The following PIK3C2G variants were observed in gnomAD, a reference collection of about 807,000 sequenced individuals.
PIK3C2G encodes phosphatidylinositol-4-phosphate 3-kinase catalytic subunit type 2 gamma, also known as phosphatidylinositol 3-kinase C2 domain-containing subunit gamma.
Under a neutral mutation model 181.1 loss-of-function variants are expected in PIK3C2G, and 168 were observed. The ratio of observed to expected loss-of-function variants is 0.93; its 90% CI spans 0.82 to 1.05. The LOEUF (loss-of-function observed/expected upper bound fraction) is 1.05, where lower values mean the gene tolerates loss of function less well. Ranked by LOEUF, PIK3C2G falls within the 50% of genes least tolerant of loss-of-function variation. The pLI is 0.00. For synonymous variants in PIK3C2G, 573 were observed against 592.2 expected (o/e 0.97, Z 0.47); for missense variants, 1,869 against 1,732.8 (o/e 1.08, Z -1.40).
chr12:18,287,899 C>T (rs1301806802), intron 3 of PIK3C2G, among the ~76,000 whole-genome samples: 2 of 151,444 alleles, frequency 1.3e-5, no homozygotes, highest in Admixed American at 6.6e-5. Context: ...CGGTGGCTCA[C>T]GCCTGTAATC....
chr12:18,689,058 G>A, the PIK3C2G span, among the ~76,000 whole-genome samples: 1 of 152,030 alleles, frequency 6.6e-6, no homozygotes, highest in Non-Finnish European at 1.5e-5. Context: ...CACAGATTAC[G>A]GCATTAGCTA....
At chr12:18,693,277 T>A in the PIK3C2G span, 24 of 1,516,154 alleles carry the variant, frequency 1.6e-5, no homozygotes, top group Non-Finnish European at 2.1e-5. Context: ...ATGGATGACA[T>A]GGATCCCCTG....
chr12:18,299,983 T>A (rs1212719978), intron 5 of PIK3C2G, among the ~76,000 whole-genome samples: 1 of 152,012 alleles, frequency 6.6e-6, no homozygotes, highest in Non-Finnish European at 1.5e-5. Flanking sequence ...GACATTAATC[T>A]GTAGTGTTAT....
At chr12:18,410,510 G>GAA (rs1184793762) in intron 16 of PIK3C2G, among the ~76,000 whole-genome samples, 1,375 of 85,394 alleles carry the variant, frequency 0.016, 26 homozygotes, top group African/African-American at 0.051. Flanking sequence ...ATCTCAGAAA[G>GAA]AAAAAAAAAA....
At chr12:18,592,674 C>G (rs536255923) in intron 29 of PIK3C2G, among the ~76,000 whole-genome samples, 1 of 151,938 alleles carries the variant, frequency 6.6e-6, no homozygotes, top group East Asian at 1.9e-4. Context: ...GCATTAATGA[C>G]AAAATTCGAT....
intron 5 of PIK3C2G, among the ~76,000 whole-genome samples, chr12:18,297,739 C>T (rs1211409346): frequency 6.6e-6 from 1 of 151,870 alleles, no homozygotes; most frequent in African/African-American, 2.4e-5. Context: ...ACTCTAACTC[C>T]GTGAGATAAC....
At chr12:18,438,050 T>A (rs1266250834) in intron 18 of PIK3C2G, among the ~76,000 whole-genome samples, 1 of 151,932 alleles carries the variant, frequency 6.6e-6, no homozygotes, top group Non-Finnish European at 1.5e-5. Context: ...TGTGTTTTTT[T>A]AAAGTATTCT....
chr12:18,408,832 TA>T (rs1308402370), intron 16 of PIK3C2G, among the ~76,000 whole-genome samples: 4 of 152,116 alleles, frequency 2.6e-5, no homozygotes, highest in African/African-American at 9.6e-5. Context: ...GAAATGCAAA[TA>T]AAAACCATAA....
At chr12:18,466,018 C>A (rs1390940565) in intron 18 of PIK3C2G, among the ~76,000 whole-genome samples, 1 of 150,958 alleles carries the variant, frequency 6.6e-6, no homozygotes, top group Non-Finnish European at 1.5e-5. Flanking sequence ...TTCCTGTTCT[C>A]TCCTCAGCTA....
At chr12:18,426,918 C>T (rs1040724663) in intron 18 of PIK3C2G, among the ~76,000 whole-genome samples, 1 of 152,080 alleles carries the variant, frequency 6.6e-6, no homozygotes, top group Non-Finnish European at 1.5e-5. Context: ...GGCATGAGGC[C>T]CTTCCATGAA....
intron 17 of PIK3C2G, among the ~76,000 whole-genome samples, chr12:18,422,671 G>A (rs529802701): frequency 1.3e-3 from 195 of 152,048 alleles, no homozygotes; most frequent in Non-Finnish European, 2.0e-3. Flanking sequence ...TTGTAACAGT[G>A]GACAGAGTAA....
chr12:18,371,430 T>C lies in PIK3C2G; in HGVS notation c.1880+119T>C, dbSNP rs114104207. On this transcript the variant is annotated intron_variant, in intron 13 of 32. Coordinates refer to ENST00000538779, the MANE Select transcript of PIK3C2G (RefSeq NM_001288772.2). ...AAGACATTTTATTCTAAAATTGACA[T>C]AGTTCAATATAAATCGTGACTGCTG... is the stretch of plus-strand genomic sequence containing the variant. 1,448 of 809,038 alleles carry C rather than the reference T, an allele frequency of 1.8e-3. 16 individuals carry two copies. The African/African-American group carries it at 0.023, about 13-fold the overall frequency. The allele number at this position is 809,038 out of a possible 1,614,324, so 50.1% of individuals were successfully genotyped here.
At chr12:18,665,408 GA>G in the PIK3C2G span, among the ~76,000 whole-genome samples, 2 of 151,004 alleles carry the variant, frequency 1.3e-5, no homozygotes, top group Non-Finnish European at 3.0e-5. Context: ...TTCACCACAA[GA>G]AAAAAAAATT....
the PIK3C2G span, chr12:18,683,242 T>A: frequency 6.2e-7 from 1 of 1,612,122 alleles, no homozygotes; most frequent in Non-Finnish European, 8.5e-7. Context: ...TTAGCTGTTA[T>A]CTGACGTACC....
At chr12:18,467,908 CATT>C (rs1461924079) in intron 18 of PIK3C2G, among the ~76,000 whole-genome samples, 2 of 151,978 alleles carry the variant, frequency 1.3e-5, no homozygotes, top group Non-Finnish European at 2.9e-5. Flanking sequence ...CTCATGATAC[CATT>C]ATTATAATAA....
chr12:18,671,204 A>G, the PIK3C2G span, among the ~76,000 whole-genome samples: 1 of 147,846 alleles, frequency 6.8e-6, no homozygotes, highest in Non-Finnish European at 1.5e-5. Flanking sequence ...AAAAAAAAAG[A>G]AAGAAAGAAA....
At chr12:18,612,187 C>A (rs1948374221) in intron 31 of PIK3C2G, among the ~76,000 whole-genome samples, 2 of 152,042 alleles carry the variant, frequency 1.3e-5, no homozygotes, top group Admixed American at 6.6e-5. Context: ...GCCCCAGGAC[C>A]TTTGTATCTG....
intron 26 of PIK3C2G, among the ~76,000 whole-genome samples, chr12:18,554,706 A>G (rs1469818595): frequency 6.6e-6 from 1 of 152,104 alleles, no homozygotes; most frequent in Non-Finnish European, 1.5e-5. Flanking sequence ...TAAAATAGGA[A>G]TTATCCGAAA....
chr12:18,312,098 G>C (rs1186977472), intron 5 of PIK3C2G, among the ~76,000 whole-genome samples: 1 of 152,104 alleles, frequency 6.6e-6, no homozygotes, highest in Non-Finnish European at 1.5e-5. Context: ...TGCCCACCCA[G>C]ATTAAGGATG....
Sources: allele counts gnomAD v4.1 joint callset (sites outside exome capture counted in the v4.1 genomes callset), GRCh38; gene constraint gnomAD v4.1.1; transcripts MANE v1.5; gene names NCBI Gene and HGNC (gene_info 2026-07-23, HGNC 2026-07-21).